Variants in RNFT2 observed in about 807,000 individuals in gnomAD.
The protein encoded by RNFT2 is E3 ubiquitin-protein ligase RNFT2.
In RNFT2, 36 loss-of-function variants were observed where a neutral mutation model predicts 53.0. That is an observed-to-expected ratio of 0.68 (90% CI 0.52 to 0.90). RNFT2 has a LOEUF of 0.90. RNFT2 is among the 40% of genes least tolerant of loss of function. The pLI, the probability that RNFT2 is intolerant of heterozygous loss-of-function variation, is 0.00. For missense variants in RNFT2, 514 were observed against 585.6 expected (o/e 0.88, Z 1.26); for synonymous variants, 260 against 253.2 (o/e 1.03, Z -0.26).
At chr12:116,789,044 GTAGATGGATGGA>G (rs1874077384) in intron 7 of RNFT2, among the ~76,000 whole-genome samples, 1 of 149,446 alleles carries the variant, frequency 6.7e-6, no homozygotes, top group East Asian at 2.1e-4. Flanking sequence ...TGGGAGGAGA[GTAGATGGATGGA>G]TGGATGGGTG....
chr12:116,852,628 G>C lies in RNFT2; in HGVS notation c.*3180G>C, dbSNP rs16947055. On this transcript the variant is annotated 3_prime_UTR_variant, in exon 11 of 11. Transcript: ENST00000257575. ...GGAACTTCTGCAACTGGTTTTTATC[G>C]GAAAGATCATCCTGCCTGCAGATGC... 20 of 1,613,780 alleles carry C rather than the reference G, an allele frequency of 1.2e-5. No individual in the cohort carries two copies. The highest frequency in any genetic ancestry group is 3.3e-5 in the Admixed American group (2 of 59,990).
At chr12:116,831,132 G>A (rs1296524201) in intron 7 of RNFT2, among the ~76,000 whole-genome samples, 3 of 151,670 alleles carry the variant, frequency 2.0e-5, no homozygotes, top group Admixed American at 1.3e-4. Flanking sequence ...GCCTGAGGTA[G>A]GAGGATCCCT....
intron 7 of RNFT2, among the ~76,000 whole-genome samples, chr12:116,787,546 A>C (rs1873991347): frequency 6.6e-6 from 1 of 151,950 alleles, no homozygotes; most frequent in African/African-American, 2.4e-5. Flanking sequence ...TCTTTATAAT[A>C]AAAATAAAAA....
intron 7 of RNFT2, among the ~76,000 whole-genome samples, chr12:116,788,848 ATAAATGGGAGGAGAG>A (rs146437921): frequency 1.3e-5 from 2 of 150,120 alleles, no homozygotes; most frequent in African/African-American, 4.9e-5. Context: ...GGATGGATGG[ATAAATGGGAGGAGAG>A]TGGATGGATG....
intron 7 of RNFT2, among the ~76,000 whole-genome samples, chr12:116,817,531 C>T (rs937646466): frequency 6.6e-6 from 1 of 152,216 alleles, no homozygotes; most frequent in African/African-American, 2.4e-5. Flanking sequence ...CCTTCCACGC[C>T]TAATTTCCTA....
At chr12:116,771,494 A>T (rs11068178) in intron 6 of RNFT2, among the ~76,000 whole-genome samples, 105,852 of 112,704 alleles carry the variant, frequency 0.94, 49,809 homozygotes, top group Admixed American at 0.95. Flanking sequence ...AAAAAAAAAA[A>T]ATACGTATAT....
chr12:116,811,169 C>A (rs1379868002), intron 7 of RNFT2, among the ~76,000 whole-genome samples: 3 of 151,914 alleles, frequency 2.0e-5, no homozygotes. Context: ...ACTAGGAAGG[C>A]TGAGGTGGGA....
chr12:116,747,956 C>T (rs1238304521), intron 3 of RNFT2, among the ~76,000 whole-genome samples: 1 of 152,038 alleles, frequency 6.6e-6, no homozygotes, highest in East Asian at 1.9e-4. Flanking sequence ...TTTGGGAGGC[C>T]GAGGCGGGCA....
intron 6 of RNFT2, among the ~76,000 whole-genome samples, chr12:116,771,825 A>G (rs1592949352): frequency 1.3e-5 from 2 of 152,144 alleles, no homozygotes; most frequent in East Asian, 3.9e-4. Context: ...CTTCCTTAAA[A>G]TATCCCTGTC....
At chr12:116,814,668 G>A (rs1257633784) in intron 7 of RNFT2, among the ~76,000 whole-genome samples, 1 of 151,994 alleles carries the variant, frequency 6.6e-6, no homozygotes, top group Non-Finnish European at 1.5e-5. Flanking sequence ...CTCCACTGTT[G>A]CCGTATGATA....
intron 6 of RNFT2, among the ~76,000 whole-genome samples, chr12:116,771,480 A>ATATAT (rs1283939021): frequency 6.1e-5 from 7 of 114,158 alleles, no homozygotes; most frequent in Admixed American, 1.1e-4. Context: ...AAAAAAAAAA[A>ATATAT]AAAAAAAAAA....
chr12:116,740,738 C>T (rs1871566284), intron 2 of RNFT2: 1 of 635,814 alleles, frequency 1.6e-6, no homozygotes, highest in Non-Finnish European at 2.8e-6. Flanking sequence ...CACTTCACTT[C>T]ATCCAGCACC....
At chr12:116,849,270 G>T in intron 10 of RNFT2, 44 bp from the exon 11 acceptor site, 6 of 1,458,128 alleles carry the variant, frequency 4.1e-6, no homozygotes, top group Non-Finnish European at 5.6e-6. Context: ...CGAGGCAGAC[G>T]CTCAGTAAAG....
At chr12:116,739,096 T>G (rs1488916513) in intron 1 of RNFT2, among the ~76,000 whole-genome samples, 1 of 152,150 alleles carries the variant, frequency 6.6e-6, no homozygotes, top group Non-Finnish European at 1.5e-5. Context: ...TGGTCAGGAT[T>G]AGGAAGTCAT....
intron 4 of RNFT2, among the ~76,000 whole-genome samples, chr12:116,752,676 G>A (rs1435385477): frequency 1.3e-5 from 2 of 152,096 alleles, no homozygotes; most frequent in Non-Finnish European, 2.9e-5. Context: ...TCAGGAATTC[G>A]AGACCAGCCT....
chr12:116,841,851 A>G (rs1188276274), intron 10 of RNFT2, among the ~76,000 whole-genome samples: 1 of 24,386 alleles, frequency 4.1e-5, no homozygotes, highest in African/African-American at 1.5e-4. Flanking sequence ...ATATAAATAT[A>G]TATAAAAATA....
At chr12:116,750,388 T>A in intron 4 of RNFT2, 81 bp downstream of exon 4, 1 of 1,353,906 alleles carries the variant, frequency 7.4e-7, no homozygotes, top group Non-Finnish European at 1.0e-6. Flanking sequence ...GGGCTCCTCC[T>A]CTGAAGCCCA....
chr12:116,836,343 C>T (rs1418303817), intron 10 of RNFT2, 61 bp downstream of exon 10: 1 of 1,380,956 alleles, frequency 7.2e-7, no homozygotes, highest in African/African-American at 1.4e-5. Context: ...GGACCCTTCC[C>T]CATGGGCAGT....
chr12:116,811,154 C>T (rs1875353262), intron 7 of RNFT2, among the ~76,000 whole-genome samples: 1 of 151,950 alleles, frequency 6.6e-6, no homozygotes, highest in Non-Finnish European at 1.5e-5. Context: ...TTTGTCTTTC[C>T]AGCTACTAGG....
Sources: allele counts gnomAD v4.1 joint callset (sites outside exome capture counted in the v4.1 genomes callset), GRCh38; gene constraint gnomAD v4.1.1; transcripts MANE v1.5; gene names NCBI Gene and HGNC (gene_info 2026-07-23, HGNC 2026-07-21).